ZNF365: variants seen among roughly 807,000 people sequenced by gnomAD.
ZNF365 encodes the protein protein ZNF365.
In ZNF365, 22 loss-of-function variants were observed where a neutral mutation model predicts 35.0. The ratio of observed to expected loss-of-function variants is 0.63; its 90% CI spans 0.45 to 0.90. The LOEUF (loss-of-function observed/expected upper bound fraction) is 0.90, where lower values mean the gene tolerates loss of function less well. Ranked by LOEUF, ZNF365 falls within the 40% of genes least tolerant of loss-of-function variation. The pLI, the probability that ZNF365 is intolerant of heterozygous loss-of-function variation, is 0.00. For missense variants in ZNF365, 448 were observed against 500.3 expected (o/e 0.90, Z 1.00); for synonymous variants, 188 against 196.2 (o/e 0.96, Z 0.35).
At chr10:62,437,409 G>C (rs371906020) in intron 3 of ZNF365, among the ~76,000 whole-genome samples, 8 of 152,168 alleles carry the variant, frequency 5.3e-5, no homozygotes, top group African/African-American at 1.4e-4. Flanking sequence ...GCACGTCATA[G>C]AGTAAATGTC....
chr10:62,456,372 A>G (rs892053480), intron 3 of ZNF365, among the ~76,000 whole-genome samples: 1 of 152,140 alleles, frequency 6.6e-6, no homozygotes, highest in Non-Finnish European at 1.5e-5. Context: ...GATTTACTGA[A>G]TTGAACATTA....
chr10:62,475,150 A>G (rs1589475872), intron 4 of ZNF365, among the ~76,000 whole-genome samples: 1 of 152,314 alleles, frequency 6.6e-6, no homozygotes, highest in Middle Eastern at 3.4e-3. Flanking sequence ...CCCTATTTCA[A>G]CAATGGAGGG....
chr10:62,438,386 C>CTG (rs1281115574), intron 3 of ZNF365, among the ~76,000 whole-genome samples: 1 of 151,896 alleles, frequency 6.6e-6, no homozygotes, highest in East Asian at 1.9e-4. Context: ...TGAGGTTTCG[C>CTG]CACATTGCCC....
chr10:62,480,038 T>C, exon 5 of ZNF365: 1 of 1,426,442 alleles, frequency 7.0e-7, no homozygotes, highest in African/African-American at 1.4e-5. Flanking sequence ...AAACTTGGGC[T>C]ACTTGGTGAC....
At chr10:62,397,316 A>C (rs1839745776) in intron 3 of ZNF365, among the ~76,000 whole-genome samples, 1 of 152,044 alleles carries the variant, frequency 6.6e-6, no homozygotes, top group Non-Finnish European at 1.5e-5. Flanking sequence ...TGCTGCAGAC[A>C]GAAGAATGCA....
downstream of ZNF365, among the ~76,000 whole-genome samples, chr10:62,404,263 T>C (rs988217423): frequency 1.3e-5 from 2 of 152,184 alleles, no homozygotes; most frequent in Non-Finnish European, 1.5e-5. Context: ...TTGGTACCAA[T>C]GTCCTGTGAG....
chr10:62,428,005 G>C (rs556518248), intron 3 of ZNF365, among the ~76,000 whole-genome samples: 2 of 152,122 alleles, frequency 1.3e-5, no homozygotes, highest in African/African-American at 2.4e-5. Context: ...CAAGAGTGGC[G>C]TAGGAACTTT....
intron 4 of ZNF365, among the ~76,000 whole-genome samples, chr10:62,465,293 A>G (rs1307780197): frequency 6.6e-6 from 1 of 152,134 alleles, no homozygotes; most frequent in East Asian, 1.9e-4. Context: ...GGCACTGACA[A>G]GTGTGAGAGG....
intron 3 of ZNF365, among the ~76,000 whole-genome samples, chr10:62,417,224 G>C (rs1287475485): frequency 6.6e-6 from 1 of 152,006 alleles, no homozygotes; most frequent in Non-Finnish European, 1.5e-5. Flanking sequence ...TATAACGTTT[G>C]CTCCTGCATC....
chr10:62,444,000 C>T (rs1840544524), intron 3 of ZNF365, among the ~76,000 whole-genome samples: 2 of 152,292 alleles, frequency 1.3e-5, no homozygotes, highest in Middle Eastern at 6.8e-3. Flanking sequence ...ATTCTCAATG[C>T]CATCCATGAC....
intron 3 of ZNF365, among the ~76,000 whole-genome samples, chr10:62,447,094 C>T (rs767343317): frequency 2.6e-5 from 4 of 152,006 alleles, no homozygotes; most frequent in Non-Finnish European, 5.9e-5. Context: ...ATTAAAATTC[C>T]TGATAAAAGC....
At chr10:62,479,146 GA>G (rs1315615287) in intron 4 of ZNF365, among the ~76,000 whole-genome samples, 1 of 152,208 alleles carries the variant, frequency 6.6e-6, no homozygotes, top group Non-Finnish European at 1.5e-5. Flanking sequence ...TTACTAAGTT[GA>G]AAAGTTCCAA....
At chr10:62,446,760 C>A (rs1025844564) in intron 3 of ZNF365, among the ~76,000 whole-genome samples, 12 of 152,122 alleles carry the variant, frequency 7.9e-5, no homozygotes, top group African/African-American at 2.9e-4. Flanking sequence ...GATTTTGCCA[C>A]CCTGGGTGAA....
chr10:62,411,230 G>T (rs942917372), intron 3 of ZNF365, among the ~76,000 whole-genome samples: 1 of 152,076 alleles, frequency 6.6e-6, no homozygotes, highest in Non-Finnish European at 1.5e-5. Context: ...TTTGTAAGTT[G>T]TCTGTTCACT....
At chr10:62,467,035 A>G (rs778066571) in intron 4 of ZNF365, among the ~76,000 whole-genome samples, 9 of 152,178 alleles carry the variant, frequency 5.9e-5, no homozygotes, top group Non-Finnish European at 1.3e-4. Context: ...AACATTTCCT[A>G]CCAAAATTCA....
chr10:62,390,463 C>A (rs893353736), intron 3 of ZNF365, among the ~76,000 whole-genome samples: 1 of 152,178 alleles, frequency 6.6e-6, no homozygotes, highest in South Asian at 2.1e-4. Context: ...TTTTTGCTCA[C>A]CTTTTTTGCT....
At chr10:62,468,584 T>A (rs1840982272) in intron 4 of ZNF365, among the ~76,000 whole-genome samples, 1 of 152,190 alleles carries the variant, frequency 6.6e-6, no homozygotes, top group Non-Finnish European at 1.5e-5. Context: ...AAATCACTGA[T>A]GCTTTATGAA....
intron 1 of ZNF365, chr10:62,375,923 T>C (rs1839317264): frequency 2.4e-6 from 1 of 420,524 alleles, no homozygotes; most frequent in African/African-American, 2.0e-5. Flanking sequence ...GAGCATAGAG[T>C]CTCTGTCTCA....
At chr10:62,391,052 A>T (rs1839619244) in intron 3 of ZNF365, among the ~76,000 whole-genome samples, 1 of 152,220 alleles carries the variant, frequency 6.6e-6, no homozygotes, top group Non-Finnish European at 1.5e-5. Context: ...CTTAGGCTAC[A>T]CTAAATTTGT....
Sources: allele counts gnomAD v4.1 joint callset (sites outside exome capture counted in the v4.1 genomes callset), GRCh38; gene constraint gnomAD v4.1.1; transcripts MANE v1.5; gene names NCBI Gene and HGNC (gene_info 2026-07-23, HGNC 2026-07-21).